Variants in COP1 observed in about 807,000 individuals in gnomAD.
The protein encoded by COP1 is COP1 E3 ubiquitin ligase, also known as E3 ubiquitin-protein ligase COP1.
COP1 carries 24 observed loss-of-function variants against 101.3 expected under a neutral mutation model. That is an observed-to-expected ratio of 0.24 (90% CI 0.17 to 0.33). The LOEUF (loss-of-function observed/expected upper bound fraction) is 0.33, where lower values mean the gene tolerates loss of function less well. COP1 is among the 10% of genes least tolerant of loss of function. The pLI, the probability that COP1 is intolerant of heterozygous loss-of-function variation, is 1.00. For synonymous variants in COP1, 347 were observed against 341.9 expected (o/e 1.01, Z -0.17); for missense variants, 663 against 906.2 (o/e 0.73, Z 3.45).
chr1:176,071,992 A>G (rs1370781330), intron 11 of COP1, among the ~76,000 whole-genome samples: 1 of 152,242 alleles, frequency 6.6e-6, no homozygotes, highest in East Asian at 1.9e-4. Flanking sequence ...TGAGGGTGGG[A>G]ATACATGTAG....
At chr1:176,142,473 C>T (rs1241718343) in intron 6 of COP1, among the ~76,000 whole-genome samples, 1 of 151,990 alleles carries the variant, frequency 6.6e-6, no homozygotes, top group African/African-American at 2.4e-5. Context: ...ATAAGAAATT[C>T]ACCTAAAAGA....
At chr1:176,112,280 T>A (rs1222373583) in intron 9 of COP1, among the ~76,000 whole-genome samples, 2 of 152,052 alleles carry the variant, frequency 1.3e-5, no homozygotes, top group African/African-American at 4.8e-5. Context: ...AGTTTTTTTT[T>A]TAAATCTTGA....
chr1:176,074,100 T>C (rs960928630), intron 11 of COP1, among the ~76,000 whole-genome samples: 2 of 152,096 alleles, frequency 1.3e-5, no homozygotes, highest in African/African-American at 2.4e-5. Flanking sequence ...CTAATTTTTG[T>C]ATTTTTAGTA....
intron 15 of COP1, among the ~76,000 whole-genome samples, chr1:175,991,378 T>C (rs1658399846): frequency 6.6e-6 from 1 of 152,070 alleles, no homozygotes; most frequent in African/African-American, 2.4e-5. Context: ...AAATAAGATA[T>C]AAAAGGTAAA....
In COP1 at chr1:175,962,341, G is replaced by A. The variant is rs545716203; in HGVS notation, c.2134-15102C>T. ...CAACCTTATTATTATTACCAAAGAT[G>A]AGATGGTACTGAGAAAAAATCTGCA... is the stretch of plus-strand genomic sequence containing the variant. On this transcript the variant is annotated intron_variant, in intron 18 of 19. Coordinates refer to ENST00000367669, the MANE Select transcript of COP1 (RefSeq NM_022457.7). Among the ~76,000 whole-genome samples the A allele has an allele frequency of 5.3e-5, 8 of 152,228 alleles. No individual in the cohort carries two copies. In the South Asian group the frequency reaches 1.7e-3, roughly 32 times the overall value.
intron 15 of COP1, among the ~76,000 whole-genome samples, chr1:176,025,616 C>CT (rs1667531023): frequency 6.6e-6 from 1 of 151,972 alleles, no homozygotes; most frequent in African/African-American, 2.4e-5. Flanking sequence ...ACAACCCAAA[C>CT]AATAGCCAGG....
intron 3 of COP1, among the ~76,000 whole-genome samples, chr1:176,170,299 G>C (rs1036376961): frequency 1.3e-4 from 20 of 152,046 alleles, no homozygotes; most frequent in African/African-American, 4.8e-4. Flanking sequence ...TTTCCAAAAG[G>C]TTTTCCATTT....
intron 15 of COP1, among the ~76,000 whole-genome samples, chr1:175,996,703 A>T (rs1660239356): frequency 6.6e-6 from 1 of 152,190 alleles, no homozygotes; most frequent in Non-Finnish European, 1.5e-5. Context: ...GACATGAAGG[A>T]CCTCTTCAAG....
At chr1:176,055,200 G>C (rs1272520920) in intron 11 of COP1, among the ~76,000 whole-genome samples, 1 of 152,218 alleles carries the variant, frequency 6.6e-6, no homozygotes, top group Non-Finnish European at 1.5e-5. Flanking sequence ...TCGGGAGGCC[G>C]AGACAGGTGG....
At chr1:176,057,908 G>A (rs576114384) in intron 11 of COP1, among the ~76,000 whole-genome samples, 16 of 150,512 alleles carry the variant, frequency 1.1e-4, no homozygotes, top group African/African-American at 3.2e-4. Flanking sequence ...CTGCCCGGCC[G>A]CCCATCCTCT....
At chr1:176,020,179 C>T (rs886738167) in intron 15 of COP1, among the ~76,000 whole-genome samples, 8 of 151,230 alleles carry the variant, frequency 5.3e-5, no homozygotes, top group Non-Finnish European at 8.8e-5. Context: ...GGCATGGTGG[C>T]GCATGCCTGT....
chr1:176,089,063 G>A (rs1680776472), intron 9 of COP1, among the ~76,000 whole-genome samples: 1 of 152,044 alleles, frequency 6.6e-6, no homozygotes, highest in African/African-American at 2.4e-5. Flanking sequence ...AGCACTTTGG[G>A]AGGCCGAGGT....
In COP1 at chr1:176,080,967, T is replaced by C. The variant is rs61820998; in HGVS notation, c.1277+185A>G. ...TTATGAGAAGGATACTATCAATTAT[T>C]CCACTTTAGAGACGAAGAAATTTGG... On this transcript the variant is annotated intron_variant, in intron 11 of 19. Transcript: ENST00000367669. 0.024 allele frequency among the ~76,000 whole-genome samples: 3,583 copies of C among 152,186 alleles called. 58 individuals carry two copies. The highest frequency in any genetic ancestry group is 0.051 in the Middle Eastern group (15 of 294).
intron 3 of COP1, among the ~76,000 whole-genome samples, chr1:176,173,287 G>A (rs1030908473): frequency 5.5e-5 from 8 of 144,374 alleles, no homozygotes; most frequent in Non-Finnish European, 1.2e-4. Flanking sequence ...CTCCAGCCTG[G>A]GTGACAGTGC....
intron 15 of COP1, among the ~76,000 whole-genome samples, chr1:176,016,307 A>G (rs907646816): frequency 6.6e-6 from 1 of 152,138 alleles, no homozygotes; most frequent in Non-Finnish European, 1.5e-5. Flanking sequence ...ACAACTGAGA[A>G]CTATAGATGG....
intron 6 of COP1, among the ~76,000 whole-genome samples, chr1:176,146,237 C>T (rs1021731947): frequency 2.0e-5 from 3 of 152,132 alleles, no homozygotes; most frequent in Non-Finnish European, 4.4e-5. Flanking sequence ...TGGAACCCAA[C>T]ACCCTTTTGT....
intron 18 of COP1, among the ~76,000 whole-genome samples, chr1:175,972,931 C>G (rs1429564820): frequency 1.3e-5 from 2 of 152,178 alleles, no homozygotes; most frequent in Non-Finnish European, 1.5e-5. Flanking sequence ...CTCCCAGATT[C>G]AAGCAATTCT....
At chr1:176,172,446 T>C (rs1191113028) in intron 3 of COP1, among the ~76,000 whole-genome samples, 1 of 152,236 alleles carries the variant, frequency 6.6e-6, no homozygotes, top group East Asian at 1.9e-4. Context: ...ATATGAGTTA[T>C]ACAAGCAAAA....
chr1:176,193,578 TTA>T (rs1458092898), intron 1 of COP1, among the ~76,000 whole-genome samples: 1 of 152,142 alleles, frequency 6.6e-6, no homozygotes, highest in Non-Finnish European at 1.5e-5. Context: ...ACTTTAAATA[TTA>T]TGTTATTTAA....
Sources: allele counts gnomAD v4.1 joint callset (sites outside exome capture counted in the v4.1 genomes callset), GRCh38; gene constraint gnomAD v4.1.1; transcripts MANE v1.5; gene names NCBI Gene and HGNC (gene_info 2026-07-23, HGNC 2026-07-21).